SMARCA2: variants seen among roughly 807,000 people sequenced by gnomAD.
SMARCA2 encodes the protein SWI/SNF related BAF chromatin remodeling complex subunit ATPase 2.
SMARCA2 carries 61 observed loss-of-function variants against 199.8 expected under a neutral mutation model. The observed-to-expected ratio is 0.31, with a 90% CI of 0.25 to 0.38. The LOEUF is 0.38. Among genes scored for constraint, SMARCA2 ranks in the 10% least tolerant of loss-of-function variants. The pLI, the probability that SMARCA2 is intolerant of heterozygous loss-of-function variation, is 1.00. For synonymous variants in SMARCA2, 935 were observed against 732.0 expected (o/e 1.28, Z -4.48); for missense variants, 1,344 against 2,012.2 (o/e 0.67, Z 6.35).
intron 29 of SMARCA2, among the ~76,000 whole-genome samples, chr9:2,178,019 G>GA (rs35444665): frequency 0.12 from 17,072 of 142,958 alleles, 1,209 homozygotes; most frequent in African/African-American, 0.21. Context: ...AGGTAATGAG[G>GA]AAAAAAAAAA....
At chr9:2,111,801 A>G (rs1823017916) in intron 24 of SMARCA2, among the ~76,000 whole-genome samples, 1 of 152,172 alleles carries the variant, frequency 6.6e-6, no homozygotes, top group Non-Finnish European at 1.5e-5. Context: ...GAGCGCTCCC[A>G]GGAGATTCTG....
intron 32 of SMARCA2, among the ~76,000 whole-genome samples, chr9:2,191,028 C>T (rs886236982): frequency 6.6e-6 from 1 of 152,178 alleles, no homozygotes; most frequent in Non-Finnish European, 1.5e-5. Context: ...CATGAGACCT[C>T]GGTCCCTCTT....
At chr9:2,181,796 A>G in intron 30 of SMARCA2, 120 bp downstream of exon 30, 1 of 650,314 alleles carries the variant, frequency 1.5e-6, no homozygotes. Context: ...CGCGACAGGA[A>G]AGGTTGGGAT....
chr9:2,191,112 C>T (rs748758651), intron 32 of SMARCA2, among the ~76,000 whole-genome samples, 154 bp from the exon 33 acceptor site: 22 of 152,160 alleles, frequency 1.4e-4, no homozygotes, highest in Non-Finnish European at 2.9e-4. Context: ...GGGTCGCTGA[C>T]TAGACAGAAC....
intron 4 of SMARCA2, chr9:2,040,363 T>C (rs757158179): frequency 1.0e-5 from 2 of 196,242 alleles, no homozygotes; most frequent in Non-Finnish European, 2.0e-5. Flanking sequence ...AGCATGCCTG[T>C]TGTAAAATAA....
intron 33 of SMARCA2, chr9:2,192,424 G>T: frequency 5.4e-6 from 2 of 372,932 alleles, no homozygotes; most frequent in Non-Finnish European, 4.8e-6. Flanking sequence ...GGCTGAAAAA[G>T]AGAAAATATT....
At chr9:2,168,307 G>A (rs752395739) in intron 28 of SMARCA2, among the ~76,000 whole-genome samples, 2 of 152,072 alleles carry the variant, frequency 1.3e-5, no homozygotes, top group East Asian at 1.9e-4. Flanking sequence ...CACCATGCCC[G>A]GCAAATGATC....
At chr9:2,072,262 C>G (rs1454463522) in intron 10 of SMARCA2, among the ~76,000 whole-genome samples, 1 of 152,314 alleles carries the variant, frequency 6.6e-6, no homozygotes, top group East Asian at 1.9e-4. Flanking sequence ...ACTTGAACCA[C>G]TCACAGACCA....
chr9:2,124,274 C>G (rs1270156857), intron 27 of SMARCA2, among the ~76,000 whole-genome samples: 1 of 152,196 alleles, frequency 6.6e-6, no homozygotes, highest in African/African-American at 2.4e-5. Flanking sequence ...GCCTCACTCT[C>G]TCCAACTGAG....
At chr9:2,158,668 G>T (rs919089560) in intron 27 of SMARCA2, 29 of 325,476 alleles carry the variant, frequency 8.9e-5, no homozygotes, top group African/African-American at 5.1e-4. Flanking sequence ...TTTTGTGTGT[G>T]ACCCCCCAGC....
chr9:2,084,682 T>C (rs577475116), intron 17 of SMARCA2, among the ~76,000 whole-genome samples: 4 of 152,288 alleles, frequency 2.6e-5, no homozygotes, highest in African/African-American at 9.6e-5. Flanking sequence ...GCCGTGGCTT[T>C]TGTGGTAGTC....
At chr9:2,044,671 A>G (rs2130277117) in intron 4 of SMARCA2, 1 of 152,304 alleles carries the variant, frequency 6.6e-6, no homozygotes, top group South Asian at 2.1e-4. Flanking sequence ...TGGTTGAGTA[A>G]CTTGCTCAGG....
rs1210257270 is a variant in SMARCA2 at position 2,155,747 on chromosome 9, T to C, written c.3982-5939T>C. The stretch of plus-strand genomic sequence containing the variant: ...TTTTTTTTTTTTTTTTTTTTTTTTT[T>C]TTTTTTTTTTTCAAAAGTGATCTGA... On this transcript the variant is annotated intron_variant, in intron 27 of 33. Coordinates refer to ENST00000349721, the MANE Select transcript of SMARCA2 (RefSeq NM_003070.5). Among the ~76,000 whole-genome samples, 3 of 40,690 alleles carry C rather than the reference T, an allele frequency of 7.4e-5. 1 individual carries two copies. Among genetic ancestry groups the C allele is most frequent in the Non-Finnish European group, 1.0e-4 (2 of 19,686 alleles). 26.7% of individuals were successfully genotyped at this position (40,690 alleles called of 152,430 possible). A position where few individuals can be genotyped will look rare whatever the true frequency, so the allele number is the denominator to read the frequency against.
intron 27 of SMARCA2, among the ~76,000 whole-genome samples, chr9:2,130,913 C>T (rs1034950989): frequency 4.6e-5 from 7 of 152,188 alleles, no homozygotes; most frequent in Non-Finnish European, 8.8e-5. Flanking sequence ...CTGTTTCTAG[C>T]ACCGTAAGGC....
At chr9:2,187,208 T>A (rs1250677499) in intron 32 of SMARCA2, among the ~76,000 whole-genome samples, 2 of 144,446 alleles carry the variant, frequency 1.4e-5, no homozygotes, top group African/African-American at 2.5e-5. Context: ...TTGGGGGGCA[T>A]TAATTTGGGT....
At chr9:2,111,041 G>GTTTTTTTTTTTTTTTTTT (rs371262213) in intron 24 of SMARCA2, among the ~76,000 whole-genome samples, 1 of 147,846 alleles carries the variant, frequency 6.8e-6, no homozygotes. Flanking sequence ...GTACTTTGAT[G>GTTTTTTTTTTTTTTTTTT]TTTTGTTTTT....
intron 27 of SMARCA2, among the ~76,000 whole-genome samples, chr9:2,131,623 C>T (rs995846053): frequency 4.6e-5 from 7 of 152,204 alleles, no homozygotes; most frequent in Non-Finnish European, 1.5e-5. Context: ...TTCCCATCAT[C>T]ATGTCTGCTG....
chr9:2,152,529 G>T (rs1381542456), intron 27 of SMARCA2, among the ~76,000 whole-genome samples: 1 of 151,982 alleles, frequency 6.6e-6, no homozygotes, highest in Admixed American at 6.6e-5. Flanking sequence ...CTCCAGCCTG[G>T]GCAACAGAGC....
intron 8 of SMARCA2, among the ~76,000 whole-genome samples, chr9:2,060,277 A>C (rs897236011): frequency 2.2e-4 from 33 of 152,232 alleles, no homozygotes; most frequent in Non-Finnish European, 1.8e-4. Flanking sequence ...TACTTTTTGA[A>C]ATATTTATGA....
Sources: gnomAD v4.1 joint callset for allele counts (sites outside exome capture counted in the v4.1 genomes callset) on GRCh38, gnomAD v4.1.1 for gene constraint, MANE v1.5 for transcripts, NCBI Gene and HGNC (gene_info 2026-07-23, HGNC 2026-07-21) for gene names.